Variants in PCDHGA1 observed in about 807,000 individuals in gnomAD.
PCDHGA1 encodes protocadherin gamma-A1.
PCDHGA1 carries 32 observed loss-of-function variants against 58.0 expected under a neutral mutation model. The observed-to-expected ratio is 0.55, with a 90% CI of 0.42 to 0.74. The LOEUF is 0.74. PCDHGA1 is among the 30% of genes least tolerant of loss of function. The pLI is 0.00. For synonymous variants in PCDHGA1, 498 were observed against 501.1 expected, an observed-to-expected ratio of 0.99 and a Z score of 0.08; for missense variants, 1,205 against 1,182.3, an observed-to-expected ratio of 1.02 and a Z score of -0.28.
chr5:141,384,708 G>A (rs1222018997), intron 1 of PCDHGA1: 3 of 1,613,998 alleles, frequency 1.9e-6, no homozygotes, highest in Non-Finnish European at 2.5e-6. Flanking sequence ...AGAACGCCTG[G>A]CTGTCATACC....
At position 141,423,756 on chromosome 5, in the gene PCDHGA1, G is replaced by GGA. The variant is rs1554116833; in HGVS notation, c.2422-71050_2422-71049insAG. 3 of 448,454 alleles carry GGA rather than the reference G, an allele frequency of 6.7e-6. No individual in the cohort carries two copies. In the African/African-American group the frequency reaches 8.4e-5, roughly 13 times the overall value. The allele number at this position is 448,454 out of a possible 1,614,324, so 27.8% of individuals were successfully genotyped here. A position where few individuals can be genotyped will look rare whatever the true frequency, so the allele number is the denominator to read the frequency against. ...GCCTGTTATGAAAACTGTTTGGGGG[G>GGA]GGGGTGGGGCGGCATATATTTAGTT... On this transcript the variant is annotated intron_variant, in intron 1 of 3. Coordinates refer to ENST00000517417, the MANE Select transcript of PCDHGA1 (RefSeq NM_018912.3).
intron 3 of PCDHGA1, among the ~76,000 whole-genome samples, chr5:141,509,539 A>G (rs749824780): frequency 1.3e-5 from 2 of 152,160 alleles, no homozygotes; most frequent in East Asian, 1.9e-4. Context: ...ATGAAGCACC[A>G]TCTCATTTAG....
intron 1 of PCDHGA1, chr5:141,376,557 C>A: frequency 6.2e-7 from 1 of 1,609,994 alleles, no homozygotes; most frequent in Non-Finnish European, 8.5e-7. Flanking sequence ...CTTCCCGCAA[C>A]CCAACTAATC....
chr5:141,426,238 T>C, intron 1 of PCDHGA1: 1 of 158,644 alleles, frequency 6.3e-6, no homozygotes, highest in Admixed American at 5.9e-5. Context: ...AAGCACTTTG[T>C]GAAACATTTT....
chr5:141,364,769 G>T (rs755884627), intron 1 of PCDHGA1: 1 of 1,614,012 alleles, frequency 6.2e-7, no homozygotes, highest in Admixed American at 1.7e-5. Flanking sequence ...TGAAAATGCG[G>T]CTGCAGGGAC....
At chr5:141,433,257 G>A (rs764036349) in intron 1 of PCDHGA1, 4 of 1,385,412 alleles carry the variant, frequency 2.9e-6, no homozygotes, top group Non-Finnish European at 4.0e-6. Context: ...GCAGCGGTAC[G>A]ATCATAGCTC....
chr5:141,376,835 C>T (rs537669685), intron 1 of PCDHGA1: 5 of 249,278 alleles, frequency 2.0e-5, no homozygotes, highest in Non-Finnish European at 3.8e-5. Flanking sequence ...TACAGGCGCC[C>T]GCCACCGCGC....
At chr5:141,445,890 T>A (rs1435563284) in intron 1 of PCDHGA1, among the ~76,000 whole-genome samples, 1 of 152,210 alleles carries the variant, frequency 6.6e-6, no homozygotes, top group Non-Finnish European at 1.5e-5. Flanking sequence ...ACTTAGGAGC[T>A]ATTAAAATAT....
intron 1 of PCDHGA1, chr5:141,372,230 C>A (rs781407090): frequency 6.2e-7 from 1 of 1,613,346 alleles, no homozygotes; most frequent in Non-Finnish European, 8.5e-7. Context: ...TGCAGGCCAG[C>A]GAGCCCGGGC....
intron 1 of PCDHGA1, chr5:141,357,115 A>T (rs1435860380): frequency 6.2e-7 from 1 of 1,613,684 alleles, no homozygotes; most frequent in Non-Finnish European, 8.5e-7. Context: ...AGACGCGCTC[A>T]AGCAGAGGCT....
rs753153109 is a variant in PCDHGA1 at position 141,332,239 on chromosome 5, T to C, written c.1555T>C (p.Ser519Pro). 12 of 1,614,218 alleles carry C rather than the reference T, an allele frequency of 7.4e-6. No homozygotes were observed. The East Asian group carries it at 2.7e-4, about 36-fold the overall frequency. Residue 519 changes from serine to proline, a missense_variant, in exon 1 of 4, where the codon TCC becomes CCC. Physicochemically the swap from Ser to Pro is moderately conservative, Grantham distance 74. Transcript: ENST00000517417. The surrounding 1 kb of genome is among the most constrained non-coding windows in gnomAD (Gnocchi z 4.6). ...CACTGGGGTCCTGTATGCGCTGCGA[T>C]CCTTCGACTATGAGCAGTTCCGGGA... ...SDTGVLYALR[S>P]FDYEQFRDMQ...
chr5:141,425,248 G>T (rs954872490), intron 1 of PCDHGA1, among the ~76,000 whole-genome samples: 2 of 152,178 alleles, frequency 1.3e-5, no homozygotes, highest in Admixed American at 1.3e-4. Context: ...AAAAGGATAT[G>T]AGGTATTTGG....
chr5:141,355,168 C>G (rs767745541), intron 1 of PCDHGA1: 2 of 1,568,276 alleles, frequency 1.3e-6, no homozygotes, highest in Admixed American at 1.8e-5. Flanking sequence ...AGAGGGAAAA[C>G]CGAAGCACAG....
chr5:141,374,945 A>G, intron 1 of PCDHGA1: 1 of 1,614,034 alleles, frequency 6.2e-7, no homozygotes, highest in Non-Finnish European at 8.5e-7. Flanking sequence ...TACAGAAAAG[A>G]TCTCACAAAT....
intron 1 of PCDHGA1, chr5:141,389,258 C>G: frequency 6.2e-7 from 1 of 1,614,022 alleles, no homozygotes; most frequent in Non-Finnish European, 8.5e-7. Context: ...ATATAGTCCA[C>G]GTGGCCGAGA....
chr5:141,485,666 A>G lies in PCDHGA1; in HGVS notation c.2422-9141A>G. ...GGCTCAGGATGCAGATGTGGGGAGC[A>G]ATTCGATTAGCAGCTATAGGCTGAG... On this transcript the variant is annotated intron_variant, in intron 1 of 3. Coordinates refer to ENST00000517417, the MANE Select transcript of PCDHGA1 (RefSeq NM_018912.3). The surrounding 1 kb of genome is among the most constrained non-coding windows in gnomAD (Gnocchi z 5.7). 1 of 1,612,786 alleles carries G rather than the reference A, an allele frequency of 6.2e-7. No homozygotes were observed. Among genetic ancestry groups the G allele is most frequent in the Non-Finnish European group, 8.5e-7 (1 of 1,178,960 alleles).
chr5:141,384,152 A>T (rs1588962194), intron 1 of PCDHGA1: 2 of 1,613,508 alleles, frequency 1.2e-6, no homozygotes, highest in Non-Finnish European at 1.7e-6. Flanking sequence ...CTCTCTTTGT[A>T]TAACATCACA....
intron 1 of PCDHGA1, chr5:141,351,206 G>T: frequency 6.2e-7 from 1 of 1,614,040 alleles, no homozygotes; most frequent in Non-Finnish European, 8.5e-7. Context: ...GTTGAGTGTG[G>T]AAGCTAAGGA....
chr5:141,427,428 T>C (rs1489623330), intron 1 of PCDHGA1: 3 of 470,472 alleles, frequency 6.4e-6, no homozygotes, highest in Admixed American at 4.7e-5. Context: ...GGAGGTTACA[T>C]GCCTCATAAA....
Sources: allele counts gnomAD v4.1 joint callset (sites outside exome capture counted in the v4.1 genomes callset), GRCh38; gene constraint gnomAD v4.1.1; non-coding constraint Gnocchi (gnomAD v3.1); transcripts MANE v1.5; gene names NCBI Gene and HGNC (gene_info 2026-07-23, HGNC 2026-07-21).